CTBP2: variants seen among roughly 807,000 people sequenced by gnomAD.
CTBP2 encodes C-terminal binding protein 2.
A neutral mutation model predicts 80.3 loss-of-function variants in CTBP2; 30 were observed. The observed-to-expected ratio is 0.37, with a 90% confidence interval of 0.28 to 0.51. CTBP2 has a LOEUF of 0.51. Ranked by LOEUF, CTBP2 falls within the 20% of genes least tolerant of loss-of-function variation. The pLI, the probability that CTBP2 is intolerant of heterozygous loss-of-function variation, is 0.93. For missense variants in CTBP2, 1,212 were observed against 1,375.3 expected (o/e 0.88, Z 1.88); for synonymous variants, 594 against 587.4 (o/e 1.01, Z -0.16).
At position 125,026,597 on chromosome 10, in the gene CTBP2, G is replaced by A. The variant is rs370521650; in HGVS notation, c.1163C>T (p.Ala388Val). 56 of 1,564,552 alleles carry A rather than the reference G, an allele frequency of 3.6e-5. No individual in the cohort carries two copies. The African/African-American group carries it at 6.9e-4, about 19-fold the overall frequency. The change falls in exon 1 of 9, where the codon GCT becomes GTT. Residue 388 changes from alanine to valine, a missense_variant. Around this residue, in one of 3 missense-constraint regions of CTBP2, gnomAD observed 848 missense variants for 782.3 expected, o/e 1.08. Transcript: ENST00000309035. ...GGATGCTGTCTGCAGAGGAGCCGCAGCGCCCAGAGAAGCCAAGTCACCATG... is the reference window on the plus strand; with the variant it reads ...GGATGCTGTCTGCAGAGGAGCCGCAACGCCCAGAGAAGCCAAGTCACCATG...
At chr10:125,023,881 G>A (rs79358071) in intron 1 of CTBP2, among the ~76,000 whole-genome samples, 6,053 of 152,242 alleles carry the variant, frequency 0.04, 411 homozygotes, top group African/African-American at 0.14. Flanking sequence ...CGCCCATCCC[G>A]AAGGGGAGAA....
At chr10:125,152,877 C>T (rs904240238) in intron 1 of CTBP2, among the ~76,000 whole-genome samples, 4 of 152,060 alleles carry the variant, frequency 2.6e-5, no homozygotes, top group Non-Finnish European at 5.9e-5. Flanking sequence ...GTGCGGACCA[C>T]AGCTGAACGT....
chr10:125,120,480 AG>A (rs1271988497), intron 1 of CTBP2, among the ~76,000 whole-genome samples: 2 of 152,160 alleles, frequency 1.3e-5, no homozygotes, highest in African/African-American at 4.8e-5. Flanking sequence ...TGCACCTCCC[AG>A]GTTCAAGTGA....
At chr10:125,038,868 TA>T (rs1381091689) in intron 3 of CTBP2, 128 bp downstream of exon 3, 17 of 876,700 alleles carry the variant, frequency 1.9e-5, no homozygotes, top group Non-Finnish European at 2.9e-5. Context: ...GTGCCAATGG[TA>T]TGCAGTGTTG....
At chr10:125,109,458 T>C (rs550022839) in intron 2 of CTBP2, among the ~76,000 whole-genome samples, 3 of 152,358 alleles carry the variant, frequency 2.0e-5, no homozygotes, top group South Asian at 4.1e-4. Flanking sequence ...GGGCAGATTC[T>C]AGCACACAGG....
chr10:125,150,224 G>C (rs982762487), intron 1 of CTBP2, among the ~76,000 whole-genome samples: 2 of 152,238 alleles, frequency 1.3e-5, no homozygotes, highest in African/African-American at 4.8e-5. Context: ...AGGGAGATGG[G>C]GGGTGGAGGG....
chr10:125,035,068 A>C (rs1958710369), intron 3 of CTBP2, among the ~76,000 whole-genome samples: 2 of 152,096 alleles, frequency 1.3e-5, no homozygotes, highest in African/African-American at 4.8e-5. Flanking sequence ...CACTGAGAAG[A>C]GCAGAAGAGC....
chr10:125,135,144 CT>C, intron 1 of CTBP2, among the ~76,000 whole-genome samples: 1 of 152,132 alleles, frequency 6.6e-6, no homozygotes, highest in South Asian at 2.1e-4. Flanking sequence ...CTCCTGCACC[CT>C]GGGAGGAAAC....
chr10:125,141,995 G>C (rs553032325), intron 1 of CTBP2, among the ~76,000 whole-genome samples: 2 of 152,320 alleles, frequency 1.3e-5, no homozygotes, highest in South Asian at 4.1e-4. Context: ...CACTTTCCAA[G>C]AGGGGCTGGT....
chr10:125,144,990 C>T (rs1280110454), intron 1 of CTBP2, among the ~76,000 whole-genome samples: 1 of 152,172 alleles, frequency 6.6e-6, no homozygotes, highest in African/African-American at 2.4e-5. Flanking sequence ...CCTCTGCCTT[C>T]CTAGAAATGC....
At chr10:125,014,627 C>T (rs968057034) in intron 1 of CTBP2, among the ~76,000 whole-genome samples, 1 of 152,260 alleles carries the variant, frequency 6.6e-6, no homozygotes, top group Non-Finnish European at 1.5e-5. Flanking sequence ...TGCCCTGTGC[C>T]TCAGATGCCT....
chr10:125,107,960 T>C (rs563942758), intron 2 of CTBP2, among the ~76,000 whole-genome samples: 2 of 152,350 alleles, frequency 1.3e-5, no homozygotes, highest in South Asian at 4.1e-4. Flanking sequence ...TCTGTGACAC[T>C]TTTGTTAAAA....
intron 2 of CTBP2, among the ~76,000 whole-genome samples, chr10:125,049,951 A>C (rs1194069951): frequency 6.6e-6 from 1 of 152,130 alleles, no homozygotes; most frequent in Non-Finnish European, 1.5e-5. Flanking sequence ...CAGCTCCCCA[A>C]ACCCCACGTC....
At chr10:125,030,307 T>C (rs1372459307), upstream of CTBP2, among the ~76,000 whole-genome samples, 2 of 152,208 alleles carry the variant, frequency 1.3e-5, no homozygotes, top group South Asian at 2.1e-4. Context: ...ATAGAAATTA[T>C]GTCAAGTAAA....
At chr10:125,147,326 C>T (rs542934062) in intron 1 of CTBP2, among the ~76,000 whole-genome samples, 1 of 152,362 alleles carries the variant, frequency 6.6e-6, no homozygotes, top group Non-Finnish European at 1.5e-5. Context: ...GGGCCCCCAC[C>T]CTGGCTGCCC....
Position 125,062,105 on chromosome 10 carries a change from G to A in CTBP2, c.-101-22950C>T, listed in dbSNP as rs944353762. ...TTGCTAAACCGAGAGGGCCCTTAGC[G>A]ACTGCTCCCACCAGGGCTGGAGAAG... is the stretch of plus-strand genomic sequence containing the variant. On this transcript the variant is annotated intron_variant, in intron 2 of 10. Transcript: ENST00000337195. Among the ~76,000 whole-genome samples the A allele has an allele frequency of 1.1e-4, 17 of 152,152 alleles. No homozygotes were observed. In the East Asian group the frequency reaches 2.7e-3, roughly 24 times the overall value.
intron 2 of CTBP2, among the ~76,000 whole-genome samples, chr10:125,044,008 G>A (rs1960569563): frequency 6.6e-6 from 1 of 152,178 alleles, no homozygotes; most frequent in South Asian, 2.1e-4. Flanking sequence ...GTGTGTCCCC[G>A]GAGAACTCAG....
intron 1 of CTBP2, among the ~76,000 whole-genome samples, chr10:125,119,812 A>T (rs925278524): frequency 1.3e-5 from 2 of 152,130 alleles, no homozygotes; most frequent in East Asian, 3.8e-4. Context: ...AATATGGAAA[A>T]ATGTGAGCTG....
intron 1 of CTBP2, among the ~76,000 whole-genome samples, chr10:125,015,083 G>T (rs1371704415): frequency 6.6e-6 from 1 of 152,184 alleles, no homozygotes; most frequent in African/African-American, 2.4e-5. Context: ...CACGTTCCTC[G>T]ACATTAGGTC....
Sources: allele counts gnomAD v4.1 joint callset (sites outside exome capture counted in the v4.1 genomes callset), GRCh38; gene constraint gnomAD v4.1.1; regional missense constraint gnomAD v4.1.1; transcripts MANE v1.5; gene names NCBI Gene and HGNC (gene_info 2026-07-23, HGNC 2026-07-21).